The following TFAP2E variants were observed in gnomAD, a reference collection of about 807,000 sequenced individuals.
TFAP2E encodes the protein transcription factor AP-2-epsilon.
In TFAP2E, 30 loss-of-function variants were observed where a neutral mutation model predicts 37.9. The ratio of observed to expected loss-of-function variants is 0.79; its 90% CI spans 0.59 to 1.07. The LOEUF is 1.07. TFAP2E is among the 50% of genes least tolerant of loss of function. The pLI is 0.00. For synonymous variants in TFAP2E, 318 were observed against 295.8 expected (o/e 1.08, Z -0.77); for missense variants, 567 against 637.9 (o/e 0.89, Z 1.20).
intron 3 of TFAP2E, among the ~76,000 whole-genome samples, chr1:35,578,898 G>A (rs1227152017): frequency 6.8e-6 from 1 of 147,704 alleles, no homozygotes; most frequent in Admixed American, 6.7e-5. Context: ...GCCTGGCCAA[G>A]ATGGTGAAAC....
Position 35,574,269 on chromosome 1 carries a change from C to T in TFAP2E, c.370C>T (p.Leu124=), listed in dbSNP as rs1278724415. 1 of 1,385,382 alleles carries T rather than the reference C, an allele frequency of 7.2e-7. No homozygotes were observed. 85.8% of individuals were successfully genotyped at this position (1,385,382 alleles called of 1,614,324 possible). Residue 124 remains leucine (L), a synonymous_variant, in exon 2 of 7, where the codon CTG becomes TTG. Coordinates refer to ENST00000373235, the MANE Select transcript of TFAP2E (RefSeq NM_178548.4). ...CCTGCTGGCACCGCCCGCCCGCGCC[C>T]TGGGCCTTGACCCGCGCCGTGACTA... ...PGLLAPPARA[L]GLDPRRDYAT...
At chr1:35,578,047 G>C (rs1649233741) in intron 3 of TFAP2E, among the ~76,000 whole-genome samples, 1 of 152,198 alleles carries the variant, frequency 6.6e-6, no homozygotes, top group Admixed American at 6.5e-5. Flanking sequence ...GGAGCTCAGA[G>C]GAGGCGCGGA....
In TFAP2E at chr1:35,574,414, G is replaced by A; in HGVS notation, c.510+5G>A. ...CCCGGTCTGGAGGACCTGCAGGTGA[G>A]ACCCGAGGGATCCGGGATGGGTCGG... On this transcript the variant is annotated splice_donor_5th_base_variant and intron_variant, in intron 2 of 6. Coordinates refer to ENST00000373235, the MANE Select transcript of TFAP2E (RefSeq NM_178548.4). 1 of 1,414,398 alleles carries A rather than the reference G, an allele frequency of 7.1e-7. No homozygotes were observed. The highest frequency in any genetic ancestry group is 1.5e-5 in the South Asian group (1 of 65,552). The allele number at this position is 1,414,398 out of a possible 1,614,324, so 87.6% of individuals were successfully genotyped here.
In TFAP2E at chr1:35,594,450, A is replaced by G; in HGVS notation, c.1103A>G (p.Asn368Ser). The G allele has an allele frequency of 6.2e-7, 1 of 1,614,192 alleles. No individual in the cohort carries two copies. Among genetic ancestry groups the G allele is most frequent in the Non-Finnish European group, 8.5e-7 (1 of 1,180,034 alleles). ...GCTCAGGACCGCTCACCGCTGGGCAACAGCCGCCCAGCACTCATCCTGGAG... is the reference window on the plus strand; with the variant it reads ...GCTCAGGACCGCTCACCGCTGGGCAGCAGCCGCCCAGCACTCATCCTGGAG... The part of the protein sequence containing the change: ...LMAQDRSPLG[N>S]SRPALILEPG... Residue 368 changes from asparagine to serine, a missense_variant, in exon 7 of 7, where the codon AAC becomes AGC. Coordinates refer to ENST00000373235, the MANE Select transcript of TFAP2E (RefSeq NM_178548.4).
intron 3 of TFAP2E, among the ~76,000 whole-genome samples, chr1:35,582,453 G>A (rs898911426): frequency 6.4e-5 from 9 of 141,370 alleles, no homozygotes; most frequent in South Asian, 2.4e-4. Flanking sequence ...GTGGTTTATC[G>A]TTTTCTTTTC....
chr1:35,591,558 C>T (rs1649681274), intron 6 of TFAP2E, among the ~76,000 whole-genome samples: 1 of 152,226 alleles, frequency 6.6e-6, no homozygotes, highest in African/African-American at 2.4e-5. Context: ...CTGTTTCCAA[C>T]CTCCCTGCAC....
intron 3 of TFAP2E, among the ~76,000 whole-genome samples, chr1:35,579,968 A>G (rs1052596994): frequency 1.3e-5 from 2 of 152,088 alleles, no homozygotes; most frequent in South Asian, 4.2e-4. Context: ...GCACTTTGGG[A>G]GGCCGAGGCA....
intron 6 of TFAP2E, among the ~76,000 whole-genome samples, chr1:35,593,093 C>A (rs777178840): frequency 6.6e-6 from 1 of 152,160 alleles, no homozygotes; most frequent in Admixed American, 6.6e-5. Context: ...GCCTGTAATC[C>A]CAGCACTTTG....
rs1649206075 is a variant in TFAP2E, at chr1:35,577,270, C to T, written c.562+2270C>T. The T allele has an allele frequency of 4.7e-6, 2 of 421,554 alleles. No individual in the cohort carries two copies. Among genetic ancestry groups the T allele is most frequent in the East Asian group, 7.1e-5 (1 of 14,072 alleles). The allele number at this position is 421,554 out of a possible 1,614,324, so 26.1% of individuals were successfully genotyped here. A position where few individuals can be genotyped will look rare whatever the true frequency, so the allele number is the denominator to read the frequency against. On this transcript the variant is annotated intron_variant, in intron 3 of 6. Transcript: ENST00000373235. The surrounding 1 kb of genome is among the most constrained non-coding windows in gnomAD (Gnocchi z 6.3). ...GGCGAGGCAGGTGGGCTCCTTGCTC[C>T]CTGGAGCCGCCCCTCCCCACACCTG...
intron 3 of TFAP2E, among the ~76,000 whole-genome samples, chr1:35,581,642 G>A (rs758571877): frequency 1.3e-5 from 2 of 150,736 alleles, no homozygotes; most frequent in South Asian, 2.1e-4. Context: ...AGGTGATCTC[G>A]GCTCACCGTA....
intron 3 of TFAP2E, among the ~76,000 whole-genome samples, chr1:35,583,069 AT>A (rs1243697472): frequency 6.6e-6 from 1 of 151,918 alleles, no homozygotes. Flanking sequence ...TGCTGGGCTA[AT>A]TTTTGTATTT....
In TFAP2E at chr1:35,577,243, G is replaced by C; in HGVS notation, c.562+2243G>C. ...GGGCGGTCGACCCAGGGCAGCTGCG[G>C]CGGCGAGGCAGGTGGGCTCCTTGCT... On this transcript the variant is annotated intron_variant, in intron 3 of 6. Coordinates refer to ENST00000373235, the MANE Select transcript of TFAP2E (RefSeq NM_178548.4). This position sits in a 1 kb window ranked among gnomAD's most constrained non-coding sequence, Gnocchi z 6.3. 2.5e-6 allele frequency: 1 copy of C among 394,644 alleles called. No individual in the cohort carries two copies. The allele number at this position is 394,644 out of a possible 1,614,324, so 24.4% of individuals were successfully genotyped here. A position where few individuals can be genotyped will look rare whatever the true frequency, so the allele number is the denominator to read the frequency against.
At chr1:35,587,636 C>CAAAAAAAA (rs553131997) in intron 3 of TFAP2E, among the ~76,000 whole-genome samples, 9 of 51,090 alleles carry the variant, frequency 1.8e-4, no homozygotes, top group African/African-American at 3.3e-4. Flanking sequence ...GACTCCATCT[C>CAAAAAAAA]AAAAAAAAAA....
Position 35,594,618 on chromosome 1 carries a change from T to C in TFAP2E, c.1271T>C (p.Val424Ala), listed in dbSNP as rs769480320. 1 of 1,614,196 alleles carries C rather than the reference T, an allele frequency of 6.2e-7. No homozygotes were observed. The highest frequency in any genetic ancestry group is 8.5e-7 in the Non-Finnish European group (1 of 1,180,042). The change falls in exon 7 of 7, where the codon GTG becomes GCG. Residue 424 changes from valine to alanine, a missense_variant. Val to Ala is a moderately conservative substitution (Grantham distance 64). Coordinates refer to ENST00000373235, the MANE Select transcript of TFAP2E (RefSeq NM_178548.4). ...KGLDKMFLSS[V>A]GSGHGETKAS... is the part of the protein sequence containing the mutation. ...CTGGACAAGATGTTTCTAAGCAGTG[T>C]GGGCAGTGGGCATGGTGAAACCAAG... is the stretch of plus-strand genomic sequence containing the variant.
chr1:35,578,972 A>C (rs1431215682), intron 3 of TFAP2E, among the ~76,000 whole-genome samples: 1 of 147,528 alleles, frequency 6.8e-6, no homozygotes, highest in Non-Finnish European at 1.5e-5. Context: ...AATCCCAGCC[A>C]CTCAGGAGGC....
intron 3 of TFAP2E, among the ~76,000 whole-genome samples, chr1:35,584,330 T>C (rs1221184839): frequency 2.0e-5 from 3 of 152,082 alleles, no homozygotes; most frequent in Non-Finnish European, 2.9e-5. Flanking sequence ...CTCAAACTTC[T>C]GGGCTCAAGT....
intron 3 of TFAP2E, among the ~76,000 whole-genome samples, chr1:35,579,931 G>A (rs1649297242): frequency 6.6e-6 from 1 of 152,118 alleles, no homozygotes; most frequent in Non-Finnish European, 1.5e-5. Flanking sequence ...CCTGGGCCGG[G>A]CGCAGTGGCT....
At chr1:35,580,577 G>A (rs184458795) in intron 3 of TFAP2E, among the ~76,000 whole-genome samples, 2 of 152,088 alleles carry the variant, frequency 1.3e-5, no homozygotes, top group East Asian at 1.9e-4. Context: ...TGGCAAACAC[G>A]GTGAAACCCC....
intron 4 of TFAP2E, among the ~76,000 whole-genome samples, chr1:35,589,186 CTCTG>C (rs1318150676): frequency 3.7e-4 from 49 of 133,628 alleles, no homozygotes; most frequent in African/African-American, 1.3e-3. Flanking sequence ...GTGTGTCCTG[CTCTG>C]TGTGTGTGTG....
Sources: allele counts gnomAD v4.1 joint callset (sites outside exome capture counted in the v4.1 genomes callset), GRCh38; gene constraint gnomAD v4.1.1; non-coding constraint Gnocchi (gnomAD v3.1); transcripts MANE v1.5; gene names NCBI Gene and HGNC (gene_info 2026-07-23, HGNC 2026-07-21).